The following CPN1 variants were observed in gnomAD, a reference collection of about 807,000 sequenced individuals.
CPN1 encodes the protein carboxypeptidase N subunit 1.
Under a neutral mutation model 46.4 loss-of-function variants are expected in CPN1, and 37 were observed. The observed-to-expected ratio is 0.80, with a 90% CI of 0.61 to 1.05. CPN1 has a LOEUF of 1.05. Ranked by LOEUF, CPN1 falls within the 50% of genes least tolerant of loss-of-function variation. The pLI, the probability that CPN1 is intolerant of heterozygous loss-of-function variation, is 0.00. For synonymous variants in CPN1, 224 were observed against 235.4 expected (o/e 0.95, Z 0.44); for missense variants, 563 against 602.6 (o/e 0.93, Z 0.69).
At chr10:100,054,790 T>C (rs1483424354) in intron 6 of CPN1, among the ~76,000 whole-genome samples, 1 of 151,882 alleles carries the variant, frequency 6.6e-6, no homozygotes. Context: ...TCTCCCTTAC[T>C]TCTGAGATCA....
chr10:100,078,379 T>C (rs1372828857), intron 1 of CPN1, among the ~76,000 whole-genome samples: 1 of 152,208 alleles, frequency 6.6e-6, no homozygotes, highest in Non-Finnish European at 1.5e-5. Context: ...CCACTTCTCA[T>C]AACAATCACT....
chr10:100,061,407 C>T (rs1033371285), intron 5 of CPN1, among the ~76,000 whole-genome samples: 2 of 152,198 alleles, frequency 1.3e-5, no homozygotes, highest in African/African-American at 4.8e-5. Context: ...TAAATTGGTT[C>T]TCTCCATGCA....
chr10:100,079,854 G>A (rs891713920), intron 1 of CPN1, among the ~76,000 whole-genome samples: 6 of 152,338 alleles, frequency 3.9e-5, no homozygotes, highest in African/African-American at 1.4e-4. Context: ...GGAGGCCAAG[G>A]CGGGTGGATC....
chr10:100,054,528 T>C (rs1277011560), intron 6 of CPN1, 82 bp from the exon 7 acceptor site: 1 of 1,175,472 alleles, frequency 8.5e-7, no homozygotes, highest in African/African-American at 1.5e-5. Context: ...GCCCTTTCTC[T>C]TATGTTTTTG....
chr10:100,057,266 C>G, intron 5 of CPN1, 114 bp from the exon 6 acceptor site: 5 of 1,203,516 alleles, frequency 4.2e-6, no homozygotes, highest in Non-Finnish European at 4.7e-6. Flanking sequence ...TTGGGAATTA[C>G]CTTTTAATTT....
chr10:100,056,973 C>T, intron 6 of CPN1, 40 bp downstream of exon 6: 1 of 1,613,946 alleles, frequency 6.2e-7, no homozygotes, highest in South Asian at 1.1e-5. Context: ...AGAAGCACTT[C>T]TCTTTTTGCA....
chr10:100,079,789 G>C (rs894755301), intron 1 of CPN1, among the ~76,000 whole-genome samples: 1 of 152,164 alleles, frequency 6.6e-6, no homozygotes, highest in Non-Finnish European at 1.5e-5. Context: ...GCAGCAGTTC[G>C]AAGTTAGAGA....
intron 8 of CPN1, among the ~76,000 whole-genome samples, chr10:100,046,510 C>T (rs551627946): frequency 6.6e-6 from 1 of 152,168 alleles, no homozygotes; most frequent in Admixed American, 6.5e-5. Context: ...CAGTGGCTCA[C>T]GCCTGTAATC....
chr10:100,072,966 T>C (rs1187494065), intron 2 of CPN1, among the ~76,000 whole-genome samples: 2 of 152,230 alleles, frequency 1.3e-5, no homozygotes, highest in East Asian at 3.8e-4. Context: ...TTGTTGGCTG[T>C]TCCTGGAAGT....
intron 5 of CPN1, 79 bp downstream of exon 5, chr10:100,063,535 C>G (rs1056424681): frequency 9.0e-7 from 1 of 1,108,696 alleles, no homozygotes. Flanking sequence ...CCATTGTTTC[C>G]CTGAGAAAAC....
intron 3 of CPN1, among the ~76,000 whole-genome samples, chr10:100,068,460 G>A (rs749744893): frequency 4.6e-5 from 7 of 151,886 alleles, no homozygotes; most frequent in South Asian, 2.1e-4. Context: ...TGATCCGCCC[G>A]CCTCGGCCTC....
At position 100,054,378 on chromosome 10, in the gene CPN1, A is replaced by G; in HGVS notation, c.1080T>C (p.Ser360=). ...NYNNLANAVI[S]VSGINHDVTS... Reference sequence around the variant, plus strand: ...TGACATCATGGTTAATCCCACTGACAGAAATGACAGCATTGGCGAGATTAT... The same window carrying G: ...TGACATCATGGTTAATCCCACTGACGGAAATGACAGCATTGGCGAGATTAT... Residue 360 remains serine (S), a synonymous_variant, in exon 7 of 9, where the codon TCT becomes TCC. Transcript: ENST00000370418. 1 of 1,614,102 alleles carries G rather than the reference A, an allele frequency of 6.2e-7. No individual in the cohort carries two copies. The highest frequency in any genetic ancestry group is 8.5e-7 in the Non-Finnish European group (1 of 1,179,980).
intron 2 of CPN1, 139 bp downstream of exon 2, chr10:100,075,772 T>G: frequency 1.0e-6 from 1 of 965,282 alleles, no homozygotes; most frequent in Non-Finnish European, 1.6e-6. Context: ...TTCTGATGGA[T>G]TTTTTCTCTT....
Position 100,062,767 on chromosome 10 carries a change from T to C in CPN1, c.871+847A>G, listed in dbSNP as rs1290470169. 9.5e-4 allele frequency among the ~76,000 whole-genome samples: 52 copies of C among 54,842 alleles called. 1 individual carries two copies. The highest frequency in any genetic ancestry group is 8.6e-3 in the Admixed American group (43 of 4,978). The allele number at this position is 54,842 out of a possible 152,430, so 36.0% of individuals were successfully genotyped here. A position where few individuals can be genotyped will look rare whatever the true frequency, so the allele number is the denominator to read the frequency against. On this transcript the variant is annotated intron_variant, in intron 5 of 8. Transcript: ENST00000370418. ...CACCACCATGCCCACCTAATTTTTC[T>C]TTTTTTTTTTTTTGGTAGGGATGAG...
At chr10:100,062,644 A>G (rs1180175001) in intron 5 of CPN1, among the ~76,000 whole-genome samples, 1 of 148,132 alleles carries the variant, frequency 6.8e-6, no homozygotes, top group Non-Finnish European at 1.5e-5. Context: ...GCTGGAGTGC[A>G]GTGGTGCAAT....
chr10:100,054,053 A>G (rs553772101), intron 7 of CPN1, among the ~76,000 whole-genome samples: 11 of 152,200 alleles, frequency 7.2e-5, no homozygotes, highest in Admixed American at 5.2e-4. Flanking sequence ...TGCGGTAGCA[A>G]CTCCTGAATG....
intron 5 of CPN1, 68 bp from the exon 6 acceptor site, chr10:100,057,220 C>G (rs2041389500): frequency 1.8e-5 from 28 of 1,534,070 alleles, no homozygotes; most frequent in Non-Finnish European, 2.5e-5. Context: ...TCTCATCTCT[C>G]TCTCTCTCTT....
chr10:100,080,081 A>G (rs11190386), intron 1 of CPN1, among the ~76,000 whole-genome samples: 16,583 of 133,996 alleles, frequency 0.12, 1,816 homozygotes, highest in African/African-American at 0.31. Context: ...GTGAGACTCC[A>G]TCTCAAAAAA....
chr10:100,081,031 C>G (rs1169192692), intron 1 of CPN1, among the ~76,000 whole-genome samples: 1 of 152,178 alleles, frequency 6.6e-6, no homozygotes, highest in Non-Finnish European at 1.5e-5. Context: ...ACTAGAAGGG[C>G]TCATTGTTTT....
Sources: allele counts gnomAD v4.1 joint callset (sites outside exome capture counted in the v4.1 genomes callset), GRCh38; gene constraint gnomAD v4.1.1; transcripts MANE v1.5; gene names NCBI Gene and HGNC (gene_info 2026-07-23, HGNC 2026-07-21).